LINGO2: variants seen among roughly 807,000 people sequenced by gnomAD.
LINGO2 encodes leucine-rich repeat and immunoglobulin-like domain-containing nogo receptor-interacting protein 2.
In LINGO2, 14 loss-of-function variants were observed where a neutral mutation model predicts 30.6. The ratio of observed to expected loss-of-function variants is 0.46; its 90% CI spans 0.30 to 0.72. The LOEUF (loss-of-function observed/expected upper bound fraction) is 0.72, where lower values mean the gene tolerates loss of function less well. Among genes scored for constraint, LINGO2 ranks in the 30% least tolerant of loss-of-function variants. LINGO2 has a pLI of 0.07. For missense variants in LINGO2, 729 were observed against 751.7 expected (o/e 0.97, Z 0.35); for synonymous variants, 317 against 288.5 (o/e 1.10, Z -1.00).
intron 5 of LINGO2, among the ~76,000 whole-genome samples, chr9:28,008,862 G>A (rs1822403437): frequency 6.6e-6 from 1 of 152,098 alleles, no homozygotes. Flanking sequence ...CAGATTTAAT[G>A]TAATACATAT....
the LINGO2 span, among the ~76,000 whole-genome samples, chr9:28,920,725 T>TACAC: frequency 2.5e-3 from 371 of 150,956 alleles, 4 homozygotes; most frequent in Middle Eastern, 0.027. Context: ...TATATCCAGA[T>TACAC]ACACACACAC....
At chr9:28,611,771 T>A (rs1825924140) in intron 1 of LINGO2, among the ~76,000 whole-genome samples, 1 of 151,928 alleles carries the variant, frequency 6.6e-6, no homozygotes, top group Non-Finnish European at 1.5e-5. Flanking sequence ...TGTGTCTGCA[T>A]ATGAATGCCA....
the LINGO2 span, among the ~76,000 whole-genome samples, chr9:28,881,776 T>A: frequency 6.6e-6 from 1 of 152,194 alleles, no homozygotes; most frequent in Admixed American, 6.5e-5. Flanking sequence ...CACTAGCTAT[T>A]CTTCCTGATC....
At chr9:28,745,057 G>T in the LINGO2 span, among the ~76,000 whole-genome samples, 4 of 152,014 alleles carry the variant, frequency 2.6e-5, no homozygotes, top group Non-Finnish European at 4.4e-5. Context: ...TCATAGACAT[G>T]TATGTTTATT....
intron 3 of LINGO2, among the ~76,000 whole-genome samples, chr9:28,341,626 A>C (rs1422811013): frequency 6.6e-6 from 1 of 152,188 alleles, no homozygotes; most frequent in East Asian, 1.9e-4. Context: ...TCAGCAACTA[A>C]ATGGATAATA....
chr9:28,633,604 C>T (rs571475108), intron 1 of LINGO2, among the ~76,000 whole-genome samples: 1 of 152,118 alleles, frequency 6.6e-6, no homozygotes, highest in Non-Finnish European at 1.5e-5. Context: ...CAAACAAAAA[C>T]CACATTCATT....
At chr9:29,172,941 A>T in the LINGO2 span, among the ~76,000 whole-genome samples, 3 of 151,936 alleles carry the variant, frequency 2.0e-5, no homozygotes, top group Non-Finnish European at 4.4e-5. Flanking sequence ...ACACTGTATC[A>T]TACAATCTCA....
chr9:29,182,536 C>T, the LINGO2 span, among the ~76,000 whole-genome samples: 1 of 152,274 alleles, frequency 6.6e-6, no homozygotes, highest in East Asian at 1.9e-4. Flanking sequence ...CACTAGTTCT[C>T]TAACTCTCTT....
intron 4 of LINGO2, among the ~76,000 whole-genome samples, chr9:28,087,664 G>C (rs1186841870): frequency 6.6e-6 from 1 of 151,974 alleles, no homozygotes; most frequent in Non-Finnish European, 1.5e-5. Flanking sequence ...TACTCAACAT[G>C]CATTTCCATT....
intron 1 of LINGO2, among the ~76,000 whole-genome samples, chr9:28,658,892 A>G (rs1828472581): frequency 1.3e-5 from 2 of 152,108 alleles, no homozygotes; most frequent in Admixed American, 1.3e-4. Flanking sequence ...GGGAAATCAT[A>G]TGAATGTATC....
the LINGO2 span, among the ~76,000 whole-genome samples, chr9:28,906,702 T>C: frequency 6.6e-6 from 1 of 151,934 alleles, no homozygotes; most frequent in Non-Finnish European, 1.5e-5. Flanking sequence ...CCGATTACTG[T>C]GATTCTATTA....
the LINGO2 span, among the ~76,000 whole-genome samples, chr9:28,960,878 C>G: frequency 4.4e-3 from 671 of 151,864 alleles, 3 homozygotes; most frequent in Non-Finnish European, 7.3e-3. Context: ...TTTATTCATT[C>G]ACTCAAGACA....
At chr9:29,082,304 A>C in the LINGO2 span, among the ~76,000 whole-genome samples, 1 of 152,212 alleles carries the variant, frequency 6.6e-6, no homozygotes, top group Non-Finnish European at 1.5e-5. Flanking sequence ...ATCTTTGACA[A>C]ACCTGACAAA....
chr9:27,988,509 CTGT>C (rs1386935628), intron 5 of LINGO2, among the ~76,000 whole-genome samples: 14 of 152,124 alleles, frequency 9.2e-5, no homozygotes, highest in African/African-American at 2.9e-4. Flanking sequence ...TCTCCAGCAC[CTGT>C]TGTTTCCTGA....
In LINGO2 at chr9:28,407,144, A is replaced by AACTATTTAGTTTATGC. The variant is rs1348653620; in HGVS notation, c.-278-34277_-278-34276insGCATAAACTAAATAGT. ...TTATGATAGTTTATAGTGGTGCATA[A>AACTATTTAGTTTATGC]ACTATTTATCAAGATAAGGAAAGAA... On this transcript the variant is annotated intron_variant, in intron 2 of 5. Coordinates refer to ENST00000379992, the Ensembl canonical transcript of LINGO2. Among the ~76,000 whole-genome samples, 8 of 152,262 alleles carry AACTATTTAGTTTATGC rather than the reference A, an allele frequency of 5.3e-5. No homozygotes were observed. In the East Asian group the frequency reaches 1.5e-3, roughly 29 times the overall value.
At chr9:28,355,363 CTGTGTGTGTGTG>C (rs61656726) in intron 3 of LINGO2, among the ~76,000 whole-genome samples, 1,992 of 115,384 alleles carry the variant, frequency 0.017, 69 homozygotes, top group African/African-American at 0.064. Flanking sequence ...CTCCCTCCCT[CTGTGTGTGTGTG>C]TGTGTGTGTG....
chr9:28,346,110 T>C (rs989233566), intron 3 of LINGO2, among the ~76,000 whole-genome samples: 4 of 152,294 alleles, frequency 2.6e-5, no homozygotes, highest in South Asian at 2.1e-4. Flanking sequence ...AGGTTTGTTA[T>C]ATAAACTTGT....
In LINGO2 at chr9:28,188,389, G is replaced by C. The variant is rs1819619378; in HGVS notation, c.-87+106819C>G. 3.3e-5 allele frequency among the ~76,000 whole-genome samples: 5 copies of C among 152,008 alleles called. No individual in the cohort carries two copies. The South Asian group carries it at 1.0e-3, about 32-fold the overall frequency. On this transcript the variant is annotated intron_variant, in intron 4 of 5. Coordinates refer to ENST00000379992, the Ensembl canonical transcript of LINGO2. ...CTCCTGACTTGCACATTTATAAATA[G>C]CTCCTATTTATTAATGGCCATCCTC... is the stretch of plus-strand genomic sequence containing the variant.
chr9:29,091,439 A>C, the LINGO2 span, among the ~76,000 whole-genome samples: 1 of 152,052 alleles, frequency 6.6e-6, no homozygotes, highest in Admixed American at 6.6e-5. Flanking sequence ...AACATTTACA[A>C]GAGTAGAAAA....
Sources: gnomAD v4.1 joint callset for allele counts (sites outside exome capture counted in the v4.1 genomes callset) on GRCh38, gnomAD v4.1.1 for gene constraint, MANE v1.5 for transcripts, NCBI Gene and HGNC (gene_info 2026-07-23, HGNC 2026-07-21) for gene names.